The following CACNA1G variants were observed in gnomAD, a reference collection of about 807,000 sequenced individuals.
The protein encoded by CACNA1G is voltage-dependent T-type calcium channel subunit alpha-1G.
A neutral mutation model predicts 219.4 loss-of-function variants in CACNA1G; 67 were observed. The ratio of observed to expected loss-of-function variants is 0.31; its 90% confidence interval spans 0.25 to 0.37. CACNA1G has a LOEUF of 0.37. Ranked by LOEUF, CACNA1G falls within the 10% of genes least tolerant of loss-of-function variation. The pLI is 1.00. For missense variants in CACNA1G, 2,380 were observed against 3,231.4 expected, an observed-to-expected ratio of 0.74 and a Z score of 6.39; for synonymous variants, 1,296 against 1,345.3, an observed-to-expected ratio of 0.96 and a Z score of 0.80.
intron 9 of CACNA1G, among the ~76,000 whole-genome samples, chr17:50,589,667 A>G (rs1443326961): frequency 3.9e-5 from 6 of 152,150 alleles, no homozygotes; most frequent in Non-Finnish European, 7.4e-5. Flanking sequence ...AGACTCGGGT[A>G]GGGAGCATGA....
Position 50,607,994 on chromosome 17 carries a change from A to G in CACNA1G, c.4680A>G (p.Leu1560=), listed in dbSNP as rs1414138856. The G allele has an allele frequency of 6.2e-7, 1 of 1,611,920 alleles. No individual in the cohort carries two copies. Among genetic ancestry groups the G allele is most frequent in the Non-Finnish European group, 8.5e-7 (1 of 1,178,952 alleles). ...EEARRREEKR[L]RRLEKKRRNL... ...CCCGGCGGCGGGAGGAGAAGCGCCT[A>G]CGAAGACTGGAGAAAAAGAGAAGGA... Residue 1560 remains leucine, a synonymous_variant, in exon 25 of 38, where the codon CTA becomes CTG. Coordinates refer to ENST00000359106, the MANE Select transcript of CACNA1G (RefSeq NM_018896.5).
At chr17:50,609,719 C>A (rs1162153021) in intron 25 of CACNA1G, among the ~76,000 whole-genome samples, 163 bp from the exon 26 acceptor site, 2 of 152,202 alleles carry the variant, frequency 1.3e-5, no homozygotes, top group African/African-American at 4.8e-5. Flanking sequence ...GTGCCCTGTG[C>A]CCCCAGCTTC....
At position 50,591,928 on chromosome 17, in the gene CACNA1G, T is replaced by A; in HGVS notation, c.2755-9T>A. The A allele has an allele frequency of 6.2e-7, 1 of 1,613,934 alleles. No individual in the cohort carries two copies. Among genetic ancestry groups the A allele is most frequent in the Non-Finnish European group, 8.5e-7 (1 of 1,179,838 alleles). Reference sequence around the variant, plus strand: ...AGTATAGGCCCTGATTCCTGTCTTCTGCCCGCAGATCCTGACCCAGGAGGA... The same window carrying A: ...AGTATAGGCCCTGATTCCTGTCTTCAGCCCGCAGATCCTGACCCAGGAGGA... On this transcript the variant is annotated splice_polypyrimidine_tract_variant and intron_variant, in intron 12 of 37. Transcript: ENST00000359106.
chr17:50,592,122 G>T, intron 13 of CACNA1G, 30 bp downstream of exon 13: 1 of 1,582,686 alleles, frequency 6.3e-7, no homozygotes, highest in Non-Finnish European at 8.6e-7. Context: ...ACCTCACCCT[G>T]CCCACAGCAG....
At chr17:50,604,374 TG>T in intron 22 of CACNA1G, 93 bp downstream of exon 22, 1 of 1,468,118 alleles carries the variant, frequency 6.8e-7, no homozygotes, top group South Asian at 1.3e-5. Flanking sequence ...CTGCTGTTGC[TG>T]CCTTCATTCC....
chr17:50,564,199 G>T (rs1420892834), intron 1 of CACNA1G, among the ~76,000 whole-genome samples: 2 of 148,846 alleles, frequency 1.3e-5, no homozygotes, highest in Non-Finnish European at 3.0e-5. Flanking sequence ...AGAAGTGCAA[G>T]CTTTGGTGTG....
rs907029122 is a variant in CACNA1G, at chr17:50,571,147, T to G, written c.587-731T>G. 6.6e-6 allele frequency among the ~76,000 whole-genome samples: 1 copy of G among 152,188 alleles called. No homozygotes were observed. The highest frequency in any genetic ancestry group is 1.5e-5 in the Non-Finnish European group (1 of 68,034). ...CCCTATGGAGGGGGTTGTAAATTGA[T>G]GGACTTCTGAGAAGACAGTATTGTA... On this transcript the variant is annotated intron_variant, in intron 4 of 37. Coordinates refer to ENST00000359106, the MANE Select transcript of CACNA1G (RefSeq NM_018896.5). The surrounding 1 kb of genome is among the most constrained non-coding windows in gnomAD (Gnocchi z 4.3).
intron 1 of CACNA1G, among the ~76,000 whole-genome samples, chr17:50,568,153 C>A (rs985120735): frequency 6.6e-6 from 1 of 152,150 alleles, no homozygotes. Context: ...GCGGGGACTG[C>A]AGCTGTGGAC....
At chr17:50,576,777 C>CG (rs912182778) in intron 8 of CACNA1G, among the ~76,000 whole-genome samples, 1 of 152,176 alleles carries the variant, frequency 6.6e-6, no homozygotes, top group Non-Finnish European at 1.5e-5. Flanking sequence ...GGGGCGGACT[C>CG]GGGGCCCGCA....
intron 35 of CACNA1G, 88 bp from the exon 36 acceptor site, chr17:50,623,819 G>A (rs761341029): frequency 2.0e-5 from 28 of 1,383,486 alleles, no homozygotes; most frequent in South Asian, 2.7e-5. Context: ...GGCGGGGGGC[G>A]CTGCTGCTTT....
chr17:50,599,886 C>T (rs1250875278), intron 17 of CACNA1G, 27 bp downstream of exon 17: 2 of 1,593,068 alleles, frequency 1.3e-6, no homozygotes, highest in South Asian at 1.1e-5. Flanking sequence ...CACAGTGACC[C>T]CTCACCCCTG....
chr17:50,586,127 C>T (rs2042939375), intron 9 of CACNA1G, among the ~76,000 whole-genome samples: 1 of 152,186 alleles, frequency 6.6e-6, no homozygotes, highest in Admixed American at 6.5e-5. Context: ...CTGCAGTATC[C>T]TAATTGGTTT....
At position 50,623,921 on chromosome 17, in the gene CACNA1G, C is replaced by T. The variant is rs763696145; in HGVS notation, c.6075C>T (p.Pro2025=). The part of the protein sequence containing the change: ...SALESNMQPH[P]TELPGPDLLT... ...TCCTTTTGCAGATGCAGCCCCACCCCACGGAGCTGCCAGGACCAGACTTAC... is the reference window on the plus strand; with the variant it reads ...TCCTTTTGCAGATGCAGCCCCACCCTACGGAGCTGCCAGGACCAGACTTAC... The change falls in exon 36 of 38, where the codon CCC becomes CCT. Residue 2025 remains proline (P), a synonymous_variant. Transcript: ENST00000359106. 4 of 1,610,506 alleles carry T rather than the reference C, an allele frequency of 2.5e-6. No homozygotes were observed. The South Asian group carries it at 4.4e-5, about 18-fold the overall frequency.
At chr17:50,607,621 G>C (rs941131098) in intron 24 of CACNA1G, 1 of 554,412 alleles carries the variant, frequency 1.8e-6, no homozygotes. Context: ...GAACAAAGAG[G>C]CAGTTTTGGA....
At chr17:50,579,049 T>C (rs1399788009) in intron 9 of CACNA1G, among the ~76,000 whole-genome samples, 2 of 151,892 alleles carry the variant, frequency 1.3e-5, no homozygotes, top group Non-Finnish European at 2.9e-5. Context: ...CTGGGTGGAA[T>C]GAAGGCCTGT....
rs1461835142 is a variant in CACNA1G, at chr17:50,619,520, G to GT, written c.5782-162dup. Among the ~76,000 whole-genome samples, 9 of 149,232 alleles carry GT rather than the reference G, an allele frequency of 6.0e-5. No homozygotes were observed. In the East Asian group the frequency reaches 9.9e-4, roughly 16 times the overall value. ...CCCTCCTCTTTTTCTCTTTGTTGCT[G>GT]TGTGTGTTTTTGTGTGTGTGCACAT... On this transcript the variant is annotated intron_variant, in intron 33 of 37. Transcript: ENST00000359106.
At chr17:50,582,453 C>T (rs1487152009) in intron 9 of CACNA1G, among the ~76,000 whole-genome samples, 1 of 152,214 alleles carries the variant, frequency 6.6e-6, no homozygotes, top group African/African-American at 2.4e-5. Flanking sequence ...GCAAGGATGA[C>T]TCCCAGGTTT....
rs1598790164 is a variant in CACNA1G, at chr17:50,621,106, G to A, written c.5926-554G>A. On this transcript the variant is annotated intron_variant, in intron 34 of 37. Transcript: ENST00000359106. This position sits in a 1 kb window ranked among gnomAD's most constrained non-coding sequence, Gnocchi z 4.6. ...AGGCGGAGGAGGGCCCACGAGGGGA[G>A]AAGCCAGAATCTGGGGGCAGGCCAA... is the stretch of plus-strand genomic sequence containing the variant. Among the ~76,000 whole-genome samples the A allele has an allele frequency of 6.6e-6, 1 of 152,218 alleles. No individual in the cohort carries two copies. Among genetic ancestry groups the A allele is most frequent in the Non-Finnish European group, 1.5e-5 (1 of 68,032 alleles).
intron 1 of CACNA1G, among the ~76,000 whole-genome samples, chr17:50,566,833 G>T (rs1160655955): frequency 6.6e-6 from 1 of 152,228 alleles, no homozygotes; most frequent in East Asian, 1.9e-4. Flanking sequence ...AGGAGCCCCA[G>T]CTCAGCAGGG....
Sources: gnomAD v4.1 joint callset for allele counts (sites outside exome capture counted in the v4.1 genomes callset) on GRCh38, gnomAD v4.1.1 for gene constraint, Gnocchi (gnomAD v3.1) non-coding constraint, MANE v1.5 for transcripts, NCBI Gene and HGNC (gene_info 2026-07-23, HGNC 2026-07-21) for gene names.